COG6: variants seen among roughly 807,000 people sequenced by gnomAD.
The protein encoded by COG6 is component of oligomeric golgi complex 6, also known as conserved oligomeric Golgi complex subunit 6.
A neutral mutation model predicts 88.8 loss-of-function variants in COG6; 74 were observed. The observed-to-expected ratio is 0.83, with a 90% CI of 0.69 to 1.01. COG6 has a LOEUF of 1.01. Among genes scored for constraint, COG6 ranks in the 50% least tolerant of loss-of-function variants. COG6 has a pLI of 0.00. For missense variants in COG6, 800 were observed against 797.9 expected, an observed-to-expected ratio of 1.00 and a Z score of -0.03; for synonymous variants, 286 against 278.7, an observed-to-expected ratio of 1.03 and a Z score of -0.26.
downstream of COG6, among the ~76,000 whole-genome samples, chr13:39,754,613 G>T (rs1047123281): frequency 6.6e-6 from 1 of 152,088 alleles, no homozygotes. Context: ...TTAGAAATTT[G>T]CTTGGCATAG....
intron 18 of COG6, among the ~76,000 whole-genome samples, chr13:39,765,532 T>A (rs1881138723): frequency 6.6e-6 from 1 of 152,220 alleles, no homozygotes; most frequent in African/African-American, 2.4e-5. Context: ...AAATGTGTTA[T>A]GGTACTCAAT....
chr13:39,707,001 G>A (rs1877969191), intron 13 of COG6, among the ~76,000 whole-genome samples: 1 of 151,978 alleles, frequency 6.6e-6, no homozygotes, highest in African/African-American at 2.4e-5. Context: ...GCTTTTAAAT[G>A]TGAAATTTTT....
chr13:39,780,014 C>T (rs1341496144), intron 18 of COG6, among the ~76,000 whole-genome samples: 2 of 152,166 alleles, frequency 1.3e-5, no homozygotes, highest in Non-Finnish European at 2.9e-5. Context: ...AGAATTTTAA[C>T]CCATGCAGGA....
At chr13:39,773,656 A>G (rs1179816124) in intron 18 of COG6, among the ~76,000 whole-genome samples, 1 of 152,210 alleles carries the variant, frequency 6.6e-6, no homozygotes, top group African/African-American at 2.4e-5. Context: ...CCTGACTCCA[A>G]TCAGGATTCT....
intron 18 of COG6, among the ~76,000 whole-genome samples, chr13:39,765,684 C>T (rs547860528): frequency 6.6e-6 from 1 of 152,262 alleles, no homozygotes; most frequent in Non-Finnish European, 1.5e-5. Context: ...AGTTTTCTTA[C>T]TGGGTAGACA....
intron 1 of COG6, among the ~76,000 whole-genome samples, chr13:39,657,559 T>C (rs1418542693): frequency 1.3e-5 from 2 of 152,096 alleles, no homozygotes; most frequent in African/African-American, 4.8e-5. Flanking sequence ...TAAGTATTTA[T>C]AGTTGTAAAC....
At chr13:39,754,870 C>CCTTTA (rs1372650783), downstream of COG6, among the ~76,000 whole-genome samples, 216 of 152,250 alleles carry the variant, frequency 1.4e-3, no homozygotes, top group African/African-American at 4.7e-3. Flanking sequence ...AAAAAATGAA[C>CCTTTA]TAATATCATC....
rs542531985 is a variant in COG6, at chr13:39,706,310, T to C, written c.1284+6692T>C. 2.2e-5 allele frequency among the ~76,000 whole-genome samples: 3 copies of C among 139,488 alleles called. No homozygotes were observed. In the South Asian group the frequency reaches 6.7e-4, roughly 31 times the overall value. 91.5% of individuals were successfully genotyped at this position (139,488 alleles called of 152,430 possible). On this transcript the variant is annotated intron_variant, in intron 13 of 18. Coordinates refer to ENST00000455146, the MANE Select transcript of COG6 (RefSeq NM_020751.3). ...ATATATAGAGAGAGAATGAGGAAAT[T>C]AGTTTAAAAATATGAGAACTTTGTG...
chr13:39,664,011 T>C (rs1192359540), intron 3 of COG6: 8 of 154,694 alleles, frequency 5.2e-5, no homozygotes, highest in African/African-American at 1.9e-4. Context: ...GCAATCAGGC[T>C]CTGTTATTGA....
chr13:39,751,182 G>C lies in COG6; in HGVS notation c.*89G>C. On this transcript the variant is annotated 3_prime_UTR_variant, in exon 19 of 19. Coordinates refer to ENST00000455146, the MANE Select transcript of COG6 (RefSeq NM_020751.3). ...TCTTTGAATTTTTACTCTATAATTT[G>C]ATAGTTACAGTTTTCTTTGTATCAT... 1.3e-6 allele frequency: 2 copies of C among 1,547,620 alleles called. No individual in the cohort carries two copies. The highest frequency in any genetic ancestry group is 1.7e-6 in the Non-Finnish European group (2 of 1,146,060).
chr13:39,689,606 G>T (rs1440261089), intron 10 of COG6, among the ~76,000 whole-genome samples, 154 bp from the exon 11 acceptor site: 1 of 151,958 alleles, frequency 6.6e-6, no homozygotes, highest in Non-Finnish European at 1.5e-5. Context: ...TGTCCCAAGA[G>T]ATATCAAACT....
chr13:39,664,613 C>T (rs952593245), intron 3 of COG6, among the ~76,000 whole-genome samples: 3 of 152,206 alleles, frequency 2.0e-5, no homozygotes, highest in African/African-American at 7.2e-5. Flanking sequence ...CTCTGATCCT[C>T]ACCAAAAACT....
intron 12 of COG6, among the ~76,000 whole-genome samples, chr13:39,695,759 G>A (rs544006511): frequency 3.3e-5 from 5 of 151,970 alleles, no homozygotes; most frequent in Admixed American, 2.6e-4. Flanking sequence ...ATCAGAGATA[G>A]GATTTGGATT....
At chr13:39,741,735 A>T (rs1246999793) in intron 18 of COG6, among the ~76,000 whole-genome samples, 1 of 152,132 alleles carries the variant, frequency 6.6e-6, no homozygotes, top group Non-Finnish European at 1.5e-5. Context: ...CAACATTCAA[A>T]TTCAGGAAAT....
At position 39,679,601 on chromosome 13, in the gene COG6, A is replaced by T; in HGVS notation, c.604A>T (p.Thr202Ser). ...IHNDVKVLLR[T>S]NQQTAGLEIM... The stretch of plus-strand genomic sequence containing the variant: ...TAATGATGTCAAAGTTCTCTTGCGT[A>T]CAAATCAACAAACGGCAGGGTGAGT... Residue 202 changes from threonine (T) to serine (S), a missense_variant, in exon 6 of 19, where the codon ACA (threonine) becomes TCA (serine). Transcript: ENST00000455146. The T allele has an allele frequency of 1.2e-6, 2 of 1,604,806 alleles. No homozygotes were observed. The highest frequency in any genetic ancestry group is 4.5e-5 in the East Asian group (2 of 44,786).
At chr13:39,728,730 T>C (rs1284592706) in intron 18 of COG6, among the ~76,000 whole-genome samples, 2 of 151,914 alleles carry the variant, frequency 1.3e-5, no homozygotes. Context: ...AGTGCAGTGA[T>C]CTTGGCTCAG....
intron 13 of COG6, among the ~76,000 whole-genome samples, chr13:39,709,948 T>C (rs983287025): frequency 6.6e-6 from 1 of 152,218 alleles, no homozygotes; most frequent in Non-Finnish European, 1.5e-5. Flanking sequence ...GTGGATTTGT[T>C]TGGTAATTGT....
downstream of COG6, chr13:39,752,651 C>A: frequency 8.0e-7 from 1 of 1,255,624 alleles, no homozygotes. Context: ...ATTATTGCAG[C>A]TGTCCTGTAG....
chr13:39,716,231 A>G (rs1264229781), intron 13 of COG6, among the ~76,000 whole-genome samples: 1 of 151,974 alleles, frequency 6.6e-6, no homozygotes, highest in East Asian at 1.9e-4. Context: ...CCCTTTTATC[A>G]TTATCAGAAT....
Sources: gnomAD v4.1 joint callset for allele counts (sites outside exome capture counted in the v4.1 genomes callset) on GRCh38, gnomAD v4.1.1 for gene constraint, MANE v1.5 for transcripts, NCBI Gene and HGNC (gene_info 2026-07-23, HGNC 2026-07-21) for gene names.